Variants in CSNK2A2IP observed in about 807,000 individuals in gnomAD.
The protein encoded by CSNK2A2IP is casein kinase II subunit alpha'-interacting protein.
At chr3:88,434,362 A>T in the CSNK2A2IP span, among the ~76,000 whole-genome samples, 3 of 152,260 alleles carry the variant, frequency 2.0e-5, no homozygotes, top group South Asian at 6.2e-4. Flanking sequence ...AGAAAAAAAA[A>T]ATAAAATATT....
At chr3:88,383,601 G>A in the CSNK2A2IP span, among the ~76,000 whole-genome samples, 57,790 of 150,794 alleles carry the variant, frequency 0.38, 14,077 homozygotes, top group South Asian at 0.6. Context: ...CTAGATCCTG[G>A]GAATTATTCA....
chr3:88,398,011 A>G, the CSNK2A2IP span, among the ~76,000 whole-genome samples: 1 of 152,144 alleles, frequency 6.6e-6, no homozygotes, highest in Non-Finnish European at 1.5e-5. Flanking sequence ...TGTTCTAACT[A>G]AGTAAAATTG....
the CSNK2A2IP span, among the ~76,000 whole-genome samples, chr3:88,342,830 C>A: frequency 1.3e-5 from 2 of 151,952 alleles, no homozygotes; most frequent in South Asian, 4.1e-4. Flanking sequence ...CCTCTGCTTC[C>A]AGAAAATAAT....
At chr3:88,367,038 G>T in the CSNK2A2IP span, among the ~76,000 whole-genome samples, 8 of 152,144 alleles carry the variant, frequency 5.3e-5, no homozygotes, top group South Asian at 1.7e-3. Context: ...CTCCCACAGG[G>T]TCCCTCCCAC....
At chr3:88,383,996 C>A in the CSNK2A2IP span, among the ~76,000 whole-genome samples, 3 of 151,936 alleles carry the variant, frequency 2.0e-5, no homozygotes, top group African/African-American at 4.8e-5. Context: ...TTTGACCCTG[C>A]CGATTGGTAT....
At chr3:88,347,512 A>T in the CSNK2A2IP span, among the ~76,000 whole-genome samples, 1 of 152,094 alleles carries the variant, frequency 6.6e-6, no homozygotes, top group Non-Finnish European at 1.5e-5. Context: ...CAGCAAAAAC[A>T]TTCCCATTCA....
At chr3:88,430,542 G>T in the CSNK2A2IP span, among the ~76,000 whole-genome samples, 2 of 151,820 alleles carry the variant, frequency 1.3e-5, no homozygotes, top group Non-Finnish European at 2.9e-5. Context: ...ATCAATTTGA[G>T]AATATTTACC....
chr3:88,465,402 C>T, the CSNK2A2IP span: 6,336 of 1,231,626 alleles, frequency 5.1e-3, 178 homozygotes, highest in African/African-American at 0.075. Context: ...TGCCATTAGA[C>T]TACTTCTACC....
chr3:88,342,929 G>A, the CSNK2A2IP span, among the ~76,000 whole-genome samples: 3 of 151,874 alleles, frequency 2.0e-5, no homozygotes, highest in Non-Finnish European at 2.9e-5. Flanking sequence ...TATTTGGCTT[G>A]TATTACTGAG....
the CSNK2A2IP span, among the ~76,000 whole-genome samples, chr3:88,347,202 A>T: frequency 3.9e-4 from 59 of 152,088 alleles, 1 homozygote; most frequent in South Asian, 0.012. Context: ...TTTCTTGTCT[A>T]CTCCTGGTGA....
the CSNK2A2IP span, among the ~76,000 whole-genome samples, chr3:88,424,642 T>C: frequency 6.6e-6 from 1 of 152,152 alleles, no homozygotes; most frequent in Non-Finnish European, 1.5e-5. Context: ...AAGCCACCCA[T>C]CAAGTGCTGA....
At chr3:88,430,202 T>C in the CSNK2A2IP span, among the ~76,000 whole-genome samples, 1 of 152,276 alleles carries the variant, frequency 6.6e-6, no homozygotes, top group East Asian at 1.9e-4. Flanking sequence ...TATTCAGCAC[T>C]GTACCTTCTA....
chr3:88,447,477 G>A, the CSNK2A2IP span, among the ~76,000 whole-genome samples: 2 of 151,896 alleles, frequency 1.3e-5, no homozygotes, highest in Non-Finnish European at 2.9e-5. Context: ...CCAAAGAAAG[G>A]AAAATGTACA....
the CSNK2A2IP span, among the ~76,000 whole-genome samples, chr3:88,438,941 A>G: frequency 1.3e-5 from 2 of 152,026 alleles, no homozygotes; most frequent in South Asian, 4.2e-4. Context: ...CACCGCTCCC[A>G]AAGCCATCAA....
the CSNK2A2IP span, among the ~76,000 whole-genome samples, chr3:88,356,051 G>A: frequency 6.6e-6 from 1 of 151,882 alleles, no homozygotes; most frequent in African/African-American, 2.4e-5. Context: ...AAGGTTATTG[G>A]GAAATCTAAC....
the CSNK2A2IP span, among the ~76,000 whole-genome samples, chr3:88,437,125 A>G: frequency 0.36 from 54,675 of 151,976 alleles, 11,081 homozygotes; most frequent in Non-Finnish European, 0.47. Context: ...TTCATTATCA[A>G]GCCATAACTG....
the CSNK2A2IP span, among the ~76,000 whole-genome samples, chr3:88,435,924 A>G: frequency 1.1e-5 from 1 of 94,292 alleles, no homozygotes; most frequent in Non-Finnish European, 2.2e-5. Flanking sequence ...TATATAATGC[A>G]CATTATGTGT....
chr3:88,436,808 A>C, the CSNK2A2IP span, among the ~76,000 whole-genome samples: 1 of 152,056 alleles, frequency 6.6e-6, no homozygotes, highest in African/African-American at 2.4e-5. Context: ...ACACAAACAA[A>C]CTCGAATTGA....
the CSNK2A2IP span, chr3:88,467,579 T>G: frequency 2.5e-6 from 1 of 398,480 alleles, no homozygotes; most frequent in Non-Finnish European, 4.4e-6. Context: ...GTGATTAAAT[T>G]AATCTTTAGT....
Sources: gnomAD v4.1 joint callset for allele counts (sites outside exome capture counted in the v4.1 genomes callset) on GRCh38, gnomAD v4.1.1 for gene constraint, MANE v1.5 for transcripts, NCBI Gene and HGNC (gene_info 2026-07-23, HGNC 2026-07-21) for gene names.